The following DERA variants were observed in gnomAD, a reference collection of about 807,000 sequenced individuals.
The protein encoded by DERA is 2-deoxy-D-ribose 5-phosphate aldolase.
Under a neutral mutation model 41.1 loss-of-function variants are expected in DERA, and 15 were observed. That is an observed-to-expected ratio of 0.37 (90% CI 0.24 to 0.56). DERA has a LOEUF of 0.56. DERA is among the 20% of genes least tolerant of loss of function. The pLI is 0.81. For synonymous variants in DERA, 139 were observed against 137.4 expected (o/e 1.01, Z -0.08); for missense variants, 396 against 403.4 (o/e 0.98, Z 0.16).
intron 6 of DERA, among the ~76,000 whole-genome samples, chr12:15,991,953 T>C (rs888997671): frequency 3.3e-5 from 5 of 152,156 alleles, no homozygotes; most frequent in Non-Finnish European, 1.5e-5. Flanking sequence ...CTGTCAAACC[T>C]CCTATTGATT....
chr12:15,925,168 C>T (rs1948273026), intron 1 of DERA, among the ~76,000 whole-genome samples: 1 of 149,152 alleles, frequency 6.7e-6, no homozygotes, highest in African/African-American at 2.5e-5. Flanking sequence ...TTGCTGTTGT[C>T]AGGCTGTCTT....
At position 15,982,494 on chromosome 12, in the gene DERA, T is replaced by G. The variant is rs900152342; in HGVS notation, c.637+58T>G. The G allele has an allele frequency of 1.3e-6, 2 of 1,501,220 alleles. No homozygotes were observed. Among genetic ancestry groups the G allele is most frequent in the Non-Finnish European group, 1.8e-6 (2 of 1,121,624 alleles). 93.0% of individuals were successfully genotyped at this position (1,501,220 alleles called of 1,614,324 possible). A position where few individuals can be genotyped will look rare whatever the true frequency, so the allele number is the denominator to read the frequency against. ...TTGAATTGATGTTTTTAGGAGAAAT[T>G]AAGTAAGTGAAAGCATTTAGCTATT... is the stretch of plus-strand genomic sequence containing the variant. On this transcript the variant is annotated intron_variant, in intron 6 of 8. Transcript: ENST00000428559. This position sits in a 1 kb window ranked among gnomAD's most constrained non-coding sequence, Gnocchi z 4.0.
intron 1 of DERA, among the ~76,000 whole-genome samples, chr12:15,937,815 T>A (rs1364420774): frequency 6.6e-6 from 1 of 152,244 alleles, no homozygotes; most frequent in African/African-American, 2.4e-5. Context: ...TATACTTCCT[T>A]TATTCTGGTG....
At position 15,959,806 on chromosome 12, in the gene DERA, C is replaced by G; in HGVS notation, c.278-23C>G. On this transcript the variant is annotated intron_variant, in intron 3 of 8. Transcript: ENST00000428559. The surrounding 1 kb of genome is among the most constrained non-coding windows in gnomAD (Gnocchi z 4.5). ...TGAGTTGAACTTCATTGAAAGTTGGCTATTCCTATTTTTTCTTGATAGGCA... is the reference window on the plus strand; with the variant it reads ...TGAGTTGAACTTCATTGAAAGTTGGGTATTCCTATTTTTTCTTGATAGGCA... 2.0e-6 allele frequency: 3 copies of G among 1,504,506 alleles called. No individual in the cohort carries two copies. In the South Asian group the frequency reaches 3.7e-5, roughly 19 times the overall value. 93.2% of individuals were successfully genotyped at this position (1,504,506 alleles called of 1,614,324 possible).
intron 6 of DERA, among the ~76,000 whole-genome samples, chr12:16,029,366 G>T (rs867316426): frequency 1.3e-5 from 2 of 152,136 alleles, no homozygotes; most frequent in African/African-American, 2.4e-5. Context: ...GAGCTTGCTT[G>T]CAGTGAGCCG....
chr12:15,936,758 G>T lies in DERA; in HGVS notation c.32-20178G>T, dbSNP rs1272950650. Among the ~76,000 whole-genome samples, 2 of 152,024 alleles carry T rather than the reference G, an allele frequency of 1.3e-5. No homozygotes were observed. The highest frequency in any genetic ancestry group is 2.9e-5 in the Non-Finnish European group (2 of 68,008). On this transcript the variant is annotated intron_variant, in intron 1 of 8. Transcript: ENST00000428559. The surrounding 1 kb of genome is among the most constrained non-coding windows in gnomAD (Gnocchi z 4.6). ...TCCCTTTTTAGTATCATTATACTGG[G>T]TTATGTTTTGTGTAGATTGTCTCAC...
In DERA at chr12:15,993,822, G is replaced by A. The variant is rs16911476; in HGVS notation, c.637+11386G>A. 0.057 allele frequency among the ~76,000 whole-genome samples: 8,746 copies of A among 152,180 alleles called. 337 individuals are homozygous for A. The highest frequency in any genetic ancestry group is 0.099 in the Middle Eastern group (29 of 294). On this transcript the variant is annotated intron_variant, in intron 6 of 8. Coordinates refer to ENST00000428559, the MANE Select transcript of DERA (RefSeq NM_015954.4). This position sits in a 1 kb window ranked among gnomAD's most constrained non-coding sequence, Gnocchi z 4.4. ...GTGGAAAACACAGAGCTCTGTAGAG[G>A]AAAGAAGTTATCGTATTTTCTGGCT...
At position 15,984,393 on chromosome 12, in the gene DERA, C is replaced by T. The variant is rs1008395391; in HGVS notation, c.637+1957C>T. 1.3e-5 allele frequency among the ~76,000 whole-genome samples: 2 copies of T among 152,156 alleles called. No individual in the cohort carries two copies. Among genetic ancestry groups the T allele is most frequent in the African/African-American group, 4.8e-5 (2 of 41,444 alleles). The stretch of plus-strand genomic sequence containing the variant: ...TGATTATAAACATGTCCCTTTATTT[C>T]TTCCTGTCTGCTTGTTTCTCTGTTC... On this transcript the variant is annotated intron_variant, in intron 6 of 8. Transcript: ENST00000428559. The surrounding 1 kb of genome is among the most constrained non-coding windows in gnomAD (Gnocchi z 4.5).
In DERA at chr12:15,984,366, T is replaced by C. The variant is rs1037653330; in HGVS notation, c.637+1930T>C. ...CACCCATCCTGTCCACAGAAAAAAA[T>C]GTGATTATAAACATGTCCCTTTATT... On this transcript the variant is annotated intron_variant, in intron 6 of 8. Transcript: ENST00000428559. This position sits in a 1 kb window ranked among gnomAD's most constrained non-coding sequence, Gnocchi z 4.5. 6.6e-6 allele frequency among the ~76,000 whole-genome samples: 1 copy of C among 152,134 alleles called. No individual in the cohort carries two copies. Among genetic ancestry groups the C allele is most frequent in the African/African-American group, 2.4e-5 (1 of 41,420 alleles).
rs184462447 is a variant in DERA, at chr12:15,983,683, G to A, written c.637+1247G>A. The stretch of plus-strand genomic sequence containing the variant: ...CCCTATATTTGGATGAAGATACCTG[G>A]TTTCTCTGGTCTTGAATCTGGGCCA... On this transcript the variant is annotated intron_variant, in intron 6 of 8. Transcript: ENST00000428559. This position sits in a 1 kb window ranked among gnomAD's most constrained non-coding sequence, Gnocchi z 6.2. 2.8e-4 allele frequency among the ~76,000 whole-genome samples: 43 copies of A among 152,238 alleles called. No individual in the cohort carries two copies. The highest frequency in any genetic ancestry group is 1.0e-3 in the South Asian group (5 of 4,824).
At chr12:16,023,167 T>C (rs896420923) in intron 6 of DERA, among the ~76,000 whole-genome samples, 1 of 152,134 alleles carries the variant, frequency 6.6e-6, no homozygotes, top group African/African-American at 2.4e-5. Flanking sequence ...CCCTCATCTG[T>C]TACCACCACA....
rs1186229348 is a variant in DERA, at chr12:15,970,081, G to T, written c.508+7134G>T. Among the ~76,000 whole-genome samples, 1 of 152,160 alleles carries T rather than the reference G, an allele frequency of 6.6e-6. No individual in the cohort carries two copies. The highest frequency in any genetic ancestry group is 1.5e-5 in the Non-Finnish European group (1 of 68,016). On this transcript the variant is annotated intron_variant, in intron 5 of 8. Transcript: ENST00000428559. The surrounding 1 kb of genome is among the most constrained non-coding windows in gnomAD (Gnocchi z 4.3). The stretch of plus-strand genomic sequence containing the variant: ...GCTCATCTCTGCCTTAGTCTTACAA[G>T]ATTAATTAGTTGCTTTGGTGGATGA...
chr12:15,947,500 G>A (rs1250613169), intron 1 of DERA, among the ~76,000 whole-genome samples: 1 of 152,054 alleles, frequency 6.6e-6, no homozygotes, highest in Non-Finnish European at 1.5e-5. Context: ...TTGGTTTAAG[G>A]TCTGTTTTGT....
Position 16,019,049 on chromosome 12 carries a change from A to G in DERA, c.638-13493A>G, listed in dbSNP as rs1224177726. ...AATGTTAGATTTATGTGAGCTCTGA[A>G]GAGAGTCTGTAGTGCTGTGTGGTGT... On this transcript the variant is annotated intron_variant, in intron 6 of 8. Transcript: ENST00000428559. The surrounding 1 kb of genome is among the most constrained non-coding windows in gnomAD (Gnocchi z 4.4). Among the ~76,000 whole-genome samples, 2 of 152,184 alleles carry G rather than the reference A, an allele frequency of 1.3e-5. No homozygotes were observed. The highest frequency in any genetic ancestry group is 2.4e-5 in the African/African-American group (1 of 41,454).
chr12:15,956,790 T>G (rs535140725), intron 1 of DERA, 146 bp from the exon 2 acceptor site: 1 of 742,736 alleles, frequency 1.3e-6, no homozygotes. Flanking sequence ...AGGTTGTTTA[T>G]TTATAGTTGT....
chr12:15,944,537 G>T (rs1050227448), intron 1 of DERA, among the ~76,000 whole-genome samples: 3 of 152,184 alleles, frequency 2.0e-5, no homozygotes, highest in South Asian at 2.1e-4. Flanking sequence ...CTTTTGAGAA[G>T]TGTCTGTTCA....
intron 6 of DERA, among the ~76,000 whole-genome samples, chr12:16,018,021 G>T (rs1948994373): frequency 6.6e-6 from 1 of 152,128 alleles, no homozygotes; most frequent in African/African-American, 2.4e-5. Context: ...CTCTTTTTAA[G>T]ATCTTACTAG....
rs1049439164 is a variant in DERA, at chr12:15,931,422, C to T, written c.31+20008C>T. On this transcript the variant is annotated intron_variant, in intron 1 of 8. Transcript: ENST00000428559. This position sits in a 1 kb window ranked among gnomAD's most constrained non-coding sequence, Gnocchi z 4.6. ...CACTGAGAGTTGACTCTTTACCCAA[C>T]AGGGGGCCAAAGTTATCCAGCTTCT... 6.6e-6 allele frequency among the ~76,000 whole-genome samples: 1 copy of T among 152,174 alleles called. No individual in the cohort carries two copies. The highest frequency in any genetic ancestry group is 1.5e-5 in the Non-Finnish European group (1 of 68,026).
chr12:16,011,525 T>C lies in DERA; in HGVS notation c.638-21017T>C, dbSNP rs182656904. On this transcript the variant is annotated intron_variant, in intron 6 of 8. Transcript: ENST00000428559. The surrounding 1 kb of genome is among the most constrained non-coding windows in gnomAD (Gnocchi z 4.7). ...GACGTTCAGATTTGGGATGCTCTAC[T>C]TGTACCTTGCTTGTATTGAGGTTCC... Among the ~76,000 whole-genome samples, 156 of 152,322 alleles carry C rather than the reference T, an allele frequency of 1.0e-3. 1 individual carries two copies. Among genetic ancestry groups the C allele is most frequent in the African/African-American group, 3.1e-3 (127 of 41,578 alleles).
Sources: gnomAD v4.1 joint callset for allele counts (sites outside exome capture counted in the v4.1 genomes callset) on GRCh38, gnomAD v4.1.1 for gene constraint, Gnocchi (gnomAD v3.1) non-coding constraint, MANE v1.5 for transcripts, NCBI Gene and HGNC (gene_info 2026-07-23, HGNC 2026-07-21) for gene names.